The following TMCO6 variants were observed in gnomAD, a reference collection of about 807,000 sequenced individuals.
TMCO6 encodes transmembrane and coiled-coil domain-containing protein 6.
In TMCO6, 47 loss-of-function variants were observed where a neutral mutation model predicts 61.8. That is an observed-to-expected ratio of 0.76 (90% CI 0.60 to 0.97). The LOEUF is 0.97. TMCO6 is among the 50% of genes least tolerant of loss of function. The probability of loss-of-function intolerance (pLI) is 0.00; values close to 1 mark genes in which losing one functional copy is unlikely to be tolerated. For missense variants in TMCO6, 557 were observed against 601.6 expected, an observed-to-expected ratio of 0.93 and a Z score of 0.78; for synonymous variants, 261 against 254.2, an observed-to-expected ratio of 1.03 and a Z score of -0.25.
At chr5:140,597,786 A>G in the TMCO6 span, among the ~76,000 whole-genome samples, 4 of 152,236 alleles carry the variant, frequency 2.6e-5, no homozygotes, top group Non-Finnish European at 4.4e-5. Context: ...TGGATGATAC[A>G]GCAGCATTTA....
the TMCO6 span, among the ~76,000 whole-genome samples, chr5:140,621,637 A>T: frequency 6.6e-6 from 1 of 152,208 alleles, no homozygotes; most frequent in Admixed American, 6.6e-5. Flanking sequence ...AAGAGAGATA[A>T]CCTTAAACTC....
the TMCO6 span, among the ~76,000 whole-genome samples, chr5:140,597,554 T>C: frequency 6.6e-6 from 1 of 152,246 alleles, no homozygotes; most frequent in Non-Finnish European, 1.5e-5. Context: ...ATATTGGATT[T>C]CCCTAATTGG....
At chr5:140,641,624 C>T (rs1384519359) in intron 2 of TMCO6, 41 bp from the exon 3 acceptor site, 1 of 1,579,034 alleles carries the variant, frequency 6.3e-7, no homozygotes, top group East Asian at 2.2e-5. Context: ...GACTTGCTTT[C>T]TGTGAACCGT....
chr5:140,642,873 G>T, intron 6 of TMCO6, 52 bp from the exon 7 acceptor site: 5 of 1,613,804 alleles, frequency 3.1e-6, no homozygotes, highest in Non-Finnish European at 4.2e-6. Flanking sequence ...GGTTTGGTAA[G>T]AACCACTGGC....
chr5:140,632,729 C>A, the TMCO6 span: 4 of 1,613,524 alleles, frequency 2.5e-6, no homozygotes, highest in Admixed American at 5.0e-5. The surrounding 1 kb of genome is among the most constrained non-coding windows in gnomAD (Gnocchi z 6.2). Flanking sequence ...GAGCCTTGAC[C>A]GTGTCAGCAT....
At chr5:140,606,368 C>T in the TMCO6 span, among the ~76,000 whole-genome samples, 1 of 151,888 alleles carries the variant, frequency 6.6e-6, no homozygotes, top group Non-Finnish European at 1.5e-5. Flanking sequence ...CAGGCTGGTA[C>T]TTTCATTTCT....
the TMCO6 span, among the ~76,000 whole-genome samples, chr5:140,622,299 G>C: frequency 1.3e-5 from 2 of 152,138 alleles, no homozygotes; most frequent in Non-Finnish European, 2.9e-5. Flanking sequence ...TATCGGGGCA[G>C]ATTCCCCGAT....
the TMCO6 span, among the ~76,000 whole-genome samples, chr5:140,604,576 A>G: frequency 5.9e-5 from 9 of 151,602 alleles, no homozygotes; most frequent in Non-Finnish European, 1.2e-4. Context: ...TTTAATCTCT[A>G]TGAAGTCCAA....
chr5:140,638,573 T>C (rs560274840), upstream of TMCO6, among the ~76,000 whole-genome samples: 31 of 151,450 alleles, frequency 2.0e-4, no homozygotes, highest in African/African-American at 7.5e-4. Flanking sequence ...TTCTTTTTTT[T>C]TTTTTTGAGA....
chr5:140,632,035 C>A, the TMCO6 span: 3 of 1,614,096 alleles, frequency 1.9e-6, no homozygotes, highest in South Asian at 1.1e-5. This position sits in a 1 kb window ranked among gnomAD's most constrained non-coding sequence, Gnocchi z 6.2. Flanking sequence ...TCGGGCAGCT[C>A]GTCAGGCTGC....
the TMCO6 span, among the ~76,000 whole-genome samples, chr5:140,620,749 G>A: frequency 8.5e-5 from 13 of 152,292 alleles, no homozygotes; most frequent in East Asian, 3.9e-4. Flanking sequence ...GGTGGCTCAC[G>A]CCTGTAATCC....
At chr5:140,646,680 G>A (rs929465513), downstream of TMCO6, among the ~76,000 whole-genome samples, 1 of 152,168 alleles carries the variant, frequency 6.6e-6, no homozygotes, top group Admixed American at 6.5e-5. Context: ...CAGTCTTAGA[G>A]GGGTAAGTGC....
downstream of TMCO6, chr5:140,647,476 G>A (rs1255080146): frequency 1.9e-6 from 3 of 1,611,976 alleles, no homozygotes; most frequent in Non-Finnish European, 2.5e-6. Context: ...ACCACGCCGC[G>A]CCTCACCTGA....
chr5:140,633,250 C>T, the TMCO6 span: 4 of 716,266 alleles, frequency 5.6e-6, no homozygotes, highest in Non-Finnish European at 9.7e-6. Flanking sequence ...GAACCCTGAT[C>T]ACCTCCCCAC....
the TMCO6 span, among the ~76,000 whole-genome samples, chr5:140,619,697 T>A: frequency 6.6e-6 from 1 of 152,158 alleles, no homozygotes. Flanking sequence ...AAAGTGTGCC[T>A]CTAACCTAAC....
the TMCO6 span, among the ~76,000 whole-genome samples, chr5:140,603,078 G>A: frequency 6.6e-6 from 1 of 151,504 alleles, no homozygotes; most frequent in African/African-American, 2.4e-5. Context: ...TCGCACTGTT[G>A]TGCAACCATC....
intron 6 of TMCO6, 67 bp from the exon 7 acceptor site, chr5:140,642,858 A>G (rs571394365): frequency 1.9e-6 from 3 of 1,612,508 alleles, no homozygotes; most frequent in African/African-American, 1.3e-5. Flanking sequence ...CCCACCTGCT[A>G]TCAGGGTTTG....
At chr5:140,642,531 T>A in intron 5 of TMCO6, 55 bp from the exon 6 acceptor site, 13 of 1,609,190 alleles carry the variant, frequency 8.1e-6, no homozygotes, top group Non-Finnish European at 1.1e-5. Context: ...GCTGAAAGTC[T>A]CTGAAGACCT....
downstream of TMCO6, chr5:140,645,549 G>T (rs1757344681): frequency 1.9e-6 from 3 of 1,612,318 alleles, no homozygotes; most frequent in African/African-American, 4.0e-5. Flanking sequence ...GCAGAGCCCA[G>T]GCTCTGGGGC....
Sources: gnomAD v4.1 joint callset for allele counts (sites outside exome capture counted in the v4.1 genomes callset) on GRCh38, gnomAD v4.1.1 for gene constraint, Gnocchi (gnomAD v3.1) non-coding constraint, MANE v1.5 for transcripts, NCBI Gene and HGNC (gene_info 2026-07-23, HGNC 2026-07-21) for gene names.